Variants in ABCG1 observed in about 807,000 individuals in gnomAD.
ABCG1 encodes ATP-binding cassette sub-family G member 1.
In ABCG1, 29 loss-of-function variants were observed where a neutral mutation model predicts 69.2. The observed-to-expected ratio is 0.42, with a 90% CI of 0.31 to 0.57. The LOEUF (loss-of-function observed/expected upper bound fraction) is 0.57, where lower values mean the gene tolerates loss of function less well. Ranked by LOEUF, ABCG1 falls within the 20% of genes least tolerant of loss-of-function variation. ABCG1 has a pLI of 0.15. For missense variants in ABCG1, 718 were observed against 898.1 expected (o/e 0.80, Z 2.56); for synonymous variants, 370 against 374.8 (o/e 0.99, Z 0.15).
At chr21:42,239,603 T>C (rs1601375251) in intron 2 of ABCG1, among the ~76,000 whole-genome samples, 2 of 151,430 alleles carry the variant, frequency 1.3e-5, no homozygotes, top group African/African-American at 4.9e-5. Context: ...CAAGGGGAGG[T>C]GTAGGGGCCT....
rs373591788 is a variant in ABCG1 at position 42,288,162 on chromosome 21, G to T, written c.1123-49G>T. 10 of 1,609,842 alleles carry T rather than the reference G, an allele frequency of 6.2e-6. No individual in the cohort carries two copies. Among genetic ancestry groups the T allele is most frequent in the Non-Finnish European group, 7.7e-6 (9 of 1,176,060 alleles). On this transcript the variant is annotated intron_variant, in intron 9 of 14. Coordinates refer to ENST00000398449, the MANE Select transcript of ABCG1 (RefSeq NM_016818.3). The surrounding 1 kb of genome is among the most constrained non-coding windows in gnomAD (Gnocchi z 4.8). ...AGCTCTTTCCGAGCAAGAAGGAGCCGTGGCTCCGGACTGGCTTTCACCCGC... is the reference window on the plus strand; with the variant it reads ...AGCTCTTTCCGAGCAAGAAGGAGCCTTGGCTCCGGACTGGCTTTCACCCGC...
At chr21:42,256,153 C>A in intron 2 of ABCG1, 1 of 1,392,888 alleles carries the variant, frequency 7.2e-7, no homozygotes, top group Non-Finnish European at 9.3e-7. Flanking sequence ...GAAACCTGGG[C>A]GTGATATACC....
In ABCG1 at chr21:42,281,687, G is replaced by A. The variant is rs116057555; in HGVS notation, c.589-587G>A. Among the ~76,000 whole-genome samples the A allele has an allele frequency of 7.2e-3, 1,098 of 152,184 alleles. 17 individuals carry two copies. Among genetic ancestry groups the A allele is most frequent in the African/African-American group, 0.025 (1,058 of 41,538 alleles). On this transcript the variant is annotated intron_variant, in intron 5 of 14. Transcript: ENST00000398449. The stretch of plus-strand genomic sequence containing the variant: ...CAAAAGTGACTCTGTCCCCCTCCCC[G>A]AGAGCCCTGGTGTGTGTGACCGTGT...
At chr21:42,214,702 C>T (rs915312887), upstream of ABCG1, among the ~76,000 whole-genome samples, 2 of 152,232 alleles carry the variant, frequency 1.3e-5, no homozygotes, top group African/African-American at 4.8e-5. Context: ...GGGGCAGCAT[C>T]TTCTGTTCTT....
Position 42,276,716 on chromosome 21 carries a change from C to A in ABCG1, c.538-179C>A. 1.6e-6 allele frequency: 1 copy of A among 636,096 alleles called. No homozygotes were observed. The highest frequency in any genetic ancestry group is 2.8e-6 in the Non-Finnish European group (1 of 361,322). 39.4% of individuals were successfully genotyped at this position (636,096 alleles called of 1,614,324 possible). The stretch of plus-strand genomic sequence containing the variant: ...CCGTGACTAGTGGCACCGTGGCTAG[C>A]TGCACCGTGGCTAGCGGCATTGTGG... On this transcript the variant is annotated intron_variant, in intron 4 of 14. Coordinates refer to ENST00000398449, the MANE Select transcript of ABCG1 (RefSeq NM_016818.3). This position sits in a 1 kb window ranked among gnomAD's most constrained non-coding sequence, Gnocchi z 5.3.
chr21:42,223,171 C>T (rs959313059), intron 1 of ABCG1, among the ~76,000 whole-genome samples: 9 of 152,196 alleles, frequency 5.9e-5, no homozygotes, highest in Admixed American at 5.2e-4. Flanking sequence ...CACGCTCCAG[C>T]CCCTGCGTTT....
At chr21:42,210,354 AG>A (rs1264340289) in intron 2 of ABCG1, among the ~76,000 whole-genome samples, 1 of 152,020 alleles carries the variant, frequency 6.6e-6, no homozygotes, top group Non-Finnish European at 1.5e-5. Flanking sequence ...CAGTGGTTCC[AG>A]TTACTTCCTA....
chr21:42,279,865 G>A (rs758086337), intron 5 of ABCG1, among the ~76,000 whole-genome samples: 2 of 152,354 alleles, frequency 1.3e-5, no homozygotes, highest in Middle Eastern at 3.4e-3. Flanking sequence ...GTAGCTACAC[G>A]GGACCCGAAG....
upstream of ABCG1, among the ~76,000 whole-genome samples, chr21:42,211,738 A>AC (rs1491059056): frequency 3.3e-5 from 5 of 150,660 alleles, no homozygotes; most frequent in African/African-American, 1.2e-4. Context: ...AAAAAAAAAA[A>AC]ATTAGCTGGG....
chr21:42,219,160 A>G lies in ABCG1; in HGVS notation c.-103A>G. 1 of 1,080,834 alleles carries G rather than the reference A, an allele frequency of 9.3e-7. No homozygotes were observed. The highest frequency in any genetic ancestry group is 1.2e-6 in the Non-Finnish European group (1 of 864,604). 67.0% of individuals were successfully genotyped at this position (1,080,834 alleles called of 1,614,324 possible). ...CAGCCGGAGCCCAAGCGCAGCCCGCACCCCGCGCAGCGGCTGAGCCGGGAG... is the reference window on the plus strand; with the variant it reads ...CAGCCGGAGCCCAAGCGCAGCCCGCGCCCCGCGCAGCGGCTGAGCCGGGAG... On this transcript the variant is annotated 5_prime_UTR_variant, in exon 1 of 15. Coordinates refer to ENST00000398449, the MANE Select transcript of ABCG1 (RefSeq NM_016818.3). This position sits in a 1 kb window ranked among gnomAD's most constrained non-coding sequence, Gnocchi z 5.3.
intron 1 of ABCG1, among the ~76,000 whole-genome samples, chr21:42,224,388 C>G (rs771084184): frequency 2.6e-5 from 4 of 152,152 alleles, no homozygotes; most frequent in Non-Finnish European, 4.4e-5. Context: ...CCCTTGGAGT[C>G]TGCATCTTAT....
intron 6 of ABCG1, among the ~76,000 whole-genome samples, 200 bp downstream of exon 6, chr21:42,282,619 C>A (rs1302508710): frequency 6.6e-6 from 1 of 152,218 alleles, no homozygotes; most frequent in Non-Finnish European, 1.5e-5. Context: ...TGTGCTCAGG[C>A]CTGCAAGGCT....
chr21:42,250,441 G>C lies in ABCG1; in HGVS notation c.287-20629G>C, dbSNP rs193019245. ...GCTCTGGGCATCCTGCATGGAGGGGGACTCCAGGCTCCCAGAGATAGGCAG... is the reference window on the plus strand; with the variant it reads ...GCTCTGGGCATCCTGCATGGAGGGGCACTCCAGGCTCCCAGAGATAGGCAG... On this transcript the variant is annotated intron_variant, in intron 2 of 14. Transcript: ENST00000398449. Among the ~76,000 whole-genome samples, 24 of 152,288 alleles carry C rather than the reference G, an allele frequency of 1.6e-4. No individual in the cohort carries two copies. In the East Asian group the frequency reaches 4.6e-3, roughly 29 times the overall value.
upstream of ABCG1, among the ~76,000 whole-genome samples, chr21:42,218,486 C>T (rs1008936175): frequency 2.0e-5 from 3 of 151,678 alleles, no homozygotes; most frequent in African/African-American, 2.4e-5. Context: ...TTTTTTTGTT[C>T]GGGGGTGAAC....
intron 2 of ABCG1, among the ~76,000 whole-genome samples, chr21:42,261,869 C>G (rs1436793388): frequency 2.6e-5 from 4 of 152,174 alleles, no homozygotes; most frequent in Non-Finnish European, 4.4e-5. Context: ...CAAAACAAGG[C>G]CCTGATTCTC....
At chr21:42,257,024 G>A (rs931891170) in intron 2 of ABCG1, among the ~76,000 whole-genome samples, 13 of 152,316 alleles carry the variant, frequency 8.5e-5, no homozygotes, top group Admixed American at 1.3e-4. Context: ...TCTATATGCC[G>A]GGCTCAATGT....
chr21:42,203,492 G>C (rs78503903), intron 2 of ABCG1, among the ~76,000 whole-genome samples: 1 of 151,954 alleles, frequency 6.6e-6, no homozygotes, highest in Non-Finnish European at 1.5e-5. Context: ...TTTTCTGCCC[G>C]TGGATACCCA....
intron 2 of ABCG1, among the ~76,000 whole-genome samples, chr21:42,205,562 C>T (rs147367070): frequency 0.018 from 2,733 of 150,708 alleles, 84 homozygotes; most frequent in African/African-American, 0.062. Context: ...CATGACACTG[C>T]GCTCCAGCCT....
intron 2 of ABCG1, among the ~76,000 whole-genome samples, chr21:42,252,366 G>C (rs1053965502): frequency 2.6e-5 from 4 of 152,108 alleles, no homozygotes; most frequent in Non-Finnish European, 5.9e-5. Flanking sequence ...TGATATATTA[G>C]AGCAGCGATA....
Sources: gnomAD v4.1 joint callset for allele counts (sites outside exome capture counted in the v4.1 genomes callset) on GRCh38, gnomAD v4.1.1 for gene constraint, Gnocchi (gnomAD v3.1) non-coding constraint, MANE v1.5 for transcripts, NCBI Gene and HGNC (gene_info 2026-07-23, HGNC 2026-07-21) for gene names.